Variants in PCDHAC2 observed in about 807,000 individuals in gnomAD.
PCDHAC2 encodes protocadherin alpha-C2.
In PCDHAC2, 24 loss-of-function variants were observed where a neutral mutation model predicts 63.3. The observed-to-expected ratio is 0.38, with a 90% CI of 0.27 to 0.53. The LOEUF is 0.53. PCDHAC2 is among the 20% of genes least tolerant of loss of function. PCDHAC2 has a pLI of 0.81. For missense variants in PCDHAC2, 1,181 were observed against 1,275.2 expected (o/e 0.93, Z 1.12); for synonymous variants, 569 against 529.4 (o/e 1.07, Z -1.03).
chr5:141,006,274 C>T (rs565885323), intron 3 of PCDHAC2, among the ~76,000 whole-genome samples: 13 of 152,026 alleles, frequency 8.6e-5, no homozygotes, highest in African/African-American at 2.9e-4. Context: ...TGCAGTGGCA[C>T]GATCTCAGCT....
In PCDHAC2 at chr5:140,967,846, C is replaced by T. The variant is rs151021111; in HGVS notation, c.1080C>T (p.Asp360=). ...KVLVDIVDVN[D]NAPEVVLTDL... ...TGGTGGACATCGTGGACGTGAATGA[C>T]AATGCCCCAGAGGTGGTGCTCACGG... Residue 360 remains aspartate, a synonymous_variant, in exon 1 of 4, where the codon GAC becomes GAT. Coordinates refer to ENST00000289269, the MANE Select transcript of PCDHAC2 (RefSeq NM_018899.6). 708 of 1,614,166 alleles carry T rather than the reference C, an allele frequency of 4.4e-4. 2 individuals are homozygous for T. Among genetic ancestry groups the T allele is most frequent in the Middle Eastern group, 2.8e-3 (17 of 6,062 alleles).
chr5:140,968,221 T>C lies in PCDHAC2; in HGVS notation c.1455T>C (p.Gly485=). The C allele has an allele frequency of 6.2e-7, 1 of 1,613,918 alleles. No individual in the cohort carries two copies. Among genetic ancestry groups the C allele is most frequent in the Admixed American group, 1.7e-5 (1 of 60,026 alleles). ...SIYIQENNLP[G]VLLCTVQATD... ...ACATACAGGAGAACAATTTGCCAGGTGTGTTGCTCTGTACTGTGCAAGCCA... is the reference window on the plus strand; with the variant it reads ...ACATACAGGAGAACAATTTGCCAGGCGTGTTGCTCTGTACTGTGCAAGCCA... The change falls in exon 1 of 4, where the codon GGT becomes GGC. Residue 485 remains glycine (G), a synonymous_variant. Coordinates refer to ENST00000289269, the MANE Select transcript of PCDHAC2 (RefSeq NM_018899.6).
In PCDHAC2 at chr5:141,010,301, A is replaced by G. The variant is rs1232797660; in HGVS notation, c.*364A>G. On this transcript the variant is annotated 3_prime_UTR_variant, in exon 4 of 4. Coordinates refer to ENST00000289269, the MANE Select transcript of PCDHAC2 (RefSeq NM_018899.6). ...TTGATGACACTTGCAGGGCAGGCTG[A>G]AAAGTTTTGAGATTGAGCAGCTTGG... 1 of 1,548,942 alleles carries G rather than the reference A, an allele frequency of 6.5e-7. No individual in the cohort carries two copies. Among genetic ancestry groups the G allele is most frequent in the African/African-American group, 1.4e-5 (1 of 72,848 alleles).
chr5:140,978,440 T>C, intron 1 of PCDHAC2, among the ~76,000 whole-genome samples: 1 of 152,244 alleles, frequency 6.6e-6, no homozygotes. Context: ...GCTGGTGTTA[T>C]GACTGGGCAC....
intron 3 of PCDHAC2, among the ~76,000 whole-genome samples, chr5:141,000,477 G>C (rs1191359491): frequency 1.5e-5 from 2 of 132,058 alleles, no homozygotes; most frequent in African/African-American, 5.8e-5. Context: ...GCCCAAGCTG[G>C]AGTGCAATGG....
At position 140,966,958 on chromosome 5, in the gene PCDHAC2, G is replaced by C. The variant is rs561982676; in HGVS notation, c.192G>C (p.Ala64=). 1 of 1,602,498 alleles carries C rather than the reference G, an allele frequency of 6.2e-7. No homozygotes were observed. The highest frequency in any genetic ancestry group is 1.1e-5 in the South Asian group (1 of 90,806). ...PGALVGNVAR[A]LGLELRRLGP... ...CGCTCGTGGGCAACGTGGCTCGCGCGCTGGGGCTTGAGCTGCGGCGCTTGG... is the reference window on the plus strand; with the variant it reads ...CGCTCGTGGGCAACGTGGCTCGCGCCCTGGGGCTTGAGCTGCGGCGCTTGG... Residue 64 remains alanine (A), a synonymous_variant, in exon 1 of 4, where the codon GCG becomes GCC. Transcript: ENST00000289269.
At chr5:140,979,408 GT>G (rs558051720) in intron 2 of PCDHAC2, among the ~76,000 whole-genome samples, 17 of 147,706 alleles carry the variant, frequency 1.2e-4, no homozygotes, top group East Asian at 4.0e-4. Flanking sequence ...TGTCTACCTT[GT>G]TTTTTTTTTA....
rs1222255074 is a variant in PCDHAC2 at position 141,012,119 on chromosome 5, A to G, written c.*2182A>G. ...CATTTTGCCCCACTGAAGCCCATGT[A>G]TCTGACCTTACGTGCCTTTTGAACT... On this transcript the variant is annotated 3_prime_UTR_variant, in exon 4 of 4. Coordinates refer to ENST00000289269, the MANE Select transcript of PCDHAC2 (RefSeq NM_018899.6). 6.5e-6 allele frequency: 1 copy of G among 153,734 alleles called. No individual in the cohort carries two copies. Among genetic ancestry groups the G allele is most frequent in the African/African-American group, 2.4e-5 (1 of 41,454 alleles). 9.5% of individuals were successfully genotyped at this position (153,734 alleles called of 1,614,324 possible). A position where few individuals can be genotyped will look rare whatever the true frequency, so the allele number is the denominator to read the frequency against.
chr5:140,973,015 A>T (rs1554234824), intron 1 of PCDHAC2, among the ~76,000 whole-genome samples: 1 of 152,000 alleles, frequency 6.6e-6, no homozygotes, highest in African/African-American at 2.4e-5. Context: ...TGGTGTTGTG[A>T]TTGTTAATGA....
At chr5:140,979,150 C>T (rs1470916466) in intron 2 of PCDHAC2, 143 bp downstream of exon 2, 4 of 1,435,458 alleles carry the variant, frequency 2.8e-6, no homozygotes, top group Middle Eastern at 3.7e-4. Context: ...ATTTTGTCCC[C>T]ATGTTTATTC....
chr5:140,987,213 C>CA (rs58319157), intron 3 of PCDHAC2, among the ~76,000 whole-genome samples: 3,048 of 118,770 alleles, frequency 0.026, 41 homozygotes, highest in Middle Eastern at 0.12. Flanking sequence ...GACTCCATCT[C>CA]AAAAAAAAAA....
intron 3 of PCDHAC2, among the ~76,000 whole-genome samples, chr5:140,995,211 A>G (rs529613370): frequency 2.6e-5 from 4 of 152,188 alleles, no homozygotes; most frequent in Non-Finnish European, 4.4e-5. Context: ...ATTAGGCACA[A>G]TACTCTTGTG....
intron 3 of PCDHAC2, among the ~76,000 whole-genome samples, chr5:140,995,267 C>A (rs552857413): frequency 6.6e-6 from 1 of 152,074 alleles, no homozygotes; most frequent in Admixed American, 6.5e-5. Context: ...GAATACAAGC[C>A]CTTTGATACC....
chr5:140,998,446 T>C (rs1266567801), intron 3 of PCDHAC2, among the ~76,000 whole-genome samples: 1 of 152,248 alleles, frequency 6.6e-6, no homozygotes, highest in African/African-American at 2.4e-5. Flanking sequence ...TTATTGTATT[T>C]ATTCATTTAC....
intron 3 of PCDHAC2, among the ~76,000 whole-genome samples, chr5:141,005,543 A>G (rs2153984572): frequency 6.6e-6 from 1 of 151,530 alleles, no homozygotes; most frequent in South Asian, 2.1e-4. Context: ...CTCTACTAAA[A>G]ATACAAAAAT....
intron 1 of PCDHAC2, among the ~76,000 whole-genome samples, chr5:140,970,781 G>A (rs2096433448): frequency 6.6e-6 from 1 of 152,042 alleles, no homozygotes; most frequent in Admixed American, 6.6e-5. Context: ...CATACATATT[G>A]TATGTAATAT....
chr5:141,010,293 G>T lies in PCDHAC2; in HGVS notation c.*356G>T. 6.5e-7 allele frequency: 1 copy of T among 1,549,794 alleles called. No homozygotes were observed. Among genetic ancestry groups the T allele is most frequent in the Non-Finnish European group, 8.7e-7 (1 of 1,146,454 alleles). On this transcript the variant is annotated 3_prime_UTR_variant, in exon 4 of 4. Coordinates refer to ENST00000289269, the MANE Select transcript of PCDHAC2 (RefSeq NM_018899.6). ...ATCCTGTCTTGATGACACTTGCAGG[G>T]CAGGCTGAAAAGTTTTGAGATTGAG...
chr5:141,000,393 CTCTATATA>C (rs1486021873), intron 3 of PCDHAC2, among the ~76,000 whole-genome samples: 100 of 52,828 alleles, frequency 1.9e-3, no homozygotes, highest in Middle Eastern at 0.012. Context: ...CTCTCTCTCT[CTCTATATA>C]TATATATATA....
In PCDHAC2 at chr5:141,010,551, C is replaced by T. The variant is rs2098417607; in HGVS notation, c.*614C>T. ...AGCCACCCTCTAGGAGACAAAACTA[C>T]CCCCACTGACAAGGCTTTAGGAGAC... On this transcript the variant is annotated 3_prime_UTR_variant, in exon 4 of 4. Coordinates refer to ENST00000289269, the MANE Select transcript of PCDHAC2 (RefSeq NM_018899.6). The T allele has an allele frequency of 9.3e-6, 3 of 323,786 alleles. No homozygotes were observed. Among genetic ancestry groups the T allele is most frequent in the African/African-American group, 2.1e-5 (1 of 47,406 alleles). The allele number at this position is 323,786 out of a possible 1,614,324, so 20.1% of individuals were successfully genotyped here.
Sources: gnomAD v4.1 joint callset for allele counts (sites outside exome capture counted in the v4.1 genomes callset) on GRCh38, gnomAD v4.1.1 for gene constraint, MANE v1.5 for transcripts, NCBI Gene and HGNC (gene_info 2026-07-23, HGNC 2026-07-21) for gene names.